Variants in LGSN observed in about 807,000 individuals in gnomAD.
LGSN encodes lengsin, lens protein with glutamine synthetase domain.
Under a neutral mutation model 19.5 loss-of-function variants are expected in LGSN, and 21 were observed. The observed-to-expected ratio is 1.07, with a 90% confidence interval of 0.76 to 1.55. LGSN has a LOEUF of 1.55. Among genes scored for constraint, LGSN ranks in the 40% most tolerant of loss-of-function variants. LGSN has a pLI of 0.00. For missense variants in LGSN, 673 were observed against 608.5 expected (o/e 1.11, Z -1.12); for synonymous variants, 257 against 215.6 (o/e 1.19, Z -1.68).
chr6:63,438,100 A>C, the LGSN span, among the ~76,000 whole-genome samples: 2 of 152,262 alleles, frequency 1.3e-5, no homozygotes, highest in Non-Finnish European at 2.9e-5. Context: ...GTATGAGTAT[A>C]TATGTATATA....
At chr6:63,540,347 A>C in the LGSN span, among the ~76,000 whole-genome samples, 17 of 152,274 alleles carry the variant, frequency 1.1e-4, no homozygotes, top group Non-Finnish European at 2.4e-4. Context: ...AAATCCAGGC[A>C]CAATGGGTCA....
the LGSN span, among the ~76,000 whole-genome samples, chr6:63,403,937 CCT>C: frequency 6.7e-6 from 1 of 148,920 alleles, no homozygotes; most frequent in Non-Finnish European, 1.5e-5. Flanking sequence ...GACTTGCTAG[CCT>C]CTCTCTTTCT....
the LGSN span, among the ~76,000 whole-genome samples, chr6:63,465,383 T>A: frequency 1.3e-5 from 2 of 152,090 alleles, no homozygotes; most frequent in African/African-American, 4.8e-5. Context: ...AGTTTCGCCA[T>A]GTTGACCAGG....
chr6:63,327,789 G>GTCTCTT, the LGSN span, among the ~76,000 whole-genome samples: 10 of 151,692 alleles, frequency 6.6e-5, no homozygotes, highest in African/African-American at 1.2e-4. Flanking sequence ...TCCTCTCTCT[G>GTCTCTT]TCTCTTTCTC....
At chr6:63,311,627 A>G (rs1768631820) in intron 1 of LGSN, among the ~76,000 whole-genome samples, 1 of 152,184 alleles carries the variant, frequency 6.6e-6, no homozygotes, top group African/African-American at 2.4e-5. Flanking sequence ...GCTCTGATAC[A>G]TGCTGTATTC....
the LGSN span, chr6:63,440,645 G>A: frequency 2.0e-5 from 3 of 152,216 alleles, no homozygotes; most frequent in Admixed American, 6.5e-5. Context: ...CACCAGAGGC[G>A]ACAGAGGGCT....
intron 2 of LGSN, 21 bp downstream of exon 2, chr6:63,294,892 G>A: frequency 1.2e-6 from 2 of 1,612,316 alleles, no homozygotes; most frequent in Non-Finnish European, 1.7e-6. Flanking sequence ...CCATTTTTGA[G>A]GACTCAGAGT....
chr6:63,560,693 C>T, the LGSN span, among the ~76,000 whole-genome samples: 56 of 152,016 alleles, frequency 3.7e-4, no homozygotes, highest in African/African-American at 1.3e-3. Context: ...TGTGAGCCAC[C>T]GCACCCAGCC....
chr6:63,505,567 A>AAGAAAGAAAG, the LGSN span, among the ~76,000 whole-genome samples: 6 of 32,406 alleles, frequency 1.9e-4, 1 homozygote, highest in South Asian at 1.3e-3. Flanking sequence ...AAAAAAAAAA[A>AAGAAAGAAAG]AGAAAGAAAG....
the LGSN span, among the ~76,000 whole-genome samples, chr6:63,450,392 T>A: frequency 6.8e-6 from 1 of 146,696 alleles, no homozygotes; most frequent in East Asian, 2.0e-4. Context: ...AAATAAAATT[T>A]AAAAATAAGC....
At chr6:63,506,174 TA>T in the LGSN span, among the ~76,000 whole-genome samples, 7 of 152,206 alleles carry the variant, frequency 4.6e-5, no homozygotes, top group African/African-American at 1.7e-4. Context: ...TAGTTTTAAA[TA>T]AAATAAAAAT....
chr6:63,296,716 T>C (rs558704001), intron 1 of LGSN, among the ~76,000 whole-genome samples: 2 of 152,114 alleles, frequency 1.3e-5, no homozygotes, highest in African/African-American at 2.4e-5. Context: ...GAATAAACAA[T>C]TAAATAACAA....
At chr6:63,303,006 T>C (rs1768247785) in intron 1 of LGSN, among the ~76,000 whole-genome samples, 1 of 152,160 alleles carries the variant, frequency 6.6e-6, no homozygotes, top group African/African-American at 2.4e-5. Context: ...TGAACACCTG[T>C]AATCCCAGCT....
the LGSN span, among the ~76,000 whole-genome samples, chr6:63,424,534 CACACAT>C: frequency 6.7e-6 from 1 of 149,710 alleles, no homozygotes; most frequent in Non-Finnish European, 1.5e-5. Context: ...CACACACACA[CACACAT>C]ACAAAACAGT....
the LGSN span, among the ~76,000 whole-genome samples, chr6:63,432,831 C>T: frequency 6.6e-6 from 1 of 152,122 alleles, no homozygotes; most frequent in Non-Finnish European, 1.5e-5. Flanking sequence ...CCCAGAGGTA[C>T]ATGTTTACAC....
intron 1 of LGSN, among the ~76,000 whole-genome samples, chr6:63,300,319 A>G (rs925540517): frequency 1.4e-4 from 22 of 152,190 alleles, no homozygotes; most frequent in African/African-American, 4.6e-4. Context: ...GAGAATACCT[A>G]CGTTATTTTT....
chr6:63,548,471 T>C, the LGSN span, among the ~76,000 whole-genome samples: 2 of 152,212 alleles, frequency 1.3e-5, no homozygotes, highest in African/African-American at 4.8e-5. Flanking sequence ...ACATAGGTGC[T>C]CTCAGTTTTC....
the LGSN span, among the ~76,000 whole-genome samples, chr6:63,490,207 T>G: frequency 6.6e-6 from 1 of 152,234 alleles, no homozygotes; most frequent in Non-Finnish European, 1.5e-5. Context: ...TCTGTCCTTC[T>G]TCGAGTTAGA....
the LGSN span, among the ~76,000 whole-genome samples, chr6:63,479,893 C>A: frequency 6.6e-6 from 1 of 152,168 alleles, no homozygotes; most frequent in Non-Finnish European, 1.5e-5. Flanking sequence ...AATTGTTTAT[C>A]AAGCACTTAC....
Sources: allele counts gnomAD v4.1 joint callset (sites outside exome capture counted in the v4.1 genomes callset), GRCh38; gene constraint gnomAD v4.1.1; transcripts MANE v1.5; gene names NCBI Gene and HGNC (gene_info 2026-07-23, HGNC 2026-07-21).